The following LRMDA variants were observed in gnomAD, a reference collection of about 807,000 sequenced individuals.
LRMDA encodes leucine-rich melanocyte differentiation-associated protein.
LRMDA carries 18 observed loss-of-function variants against 29.8 expected under a neutral mutation model. The observed-to-expected ratio is 0.60, with a 90% CI of 0.42 to 0.90. The LOEUF (loss-of-function observed/expected upper bound fraction) is 0.90. Among genes scored for constraint, LRMDA ranks in the 40% least tolerant of loss-of-function variants. The pLI, the probability that LRMDA is intolerant of heterozygous loss-of-function variation, is 0.00. For synonymous variants in LRMDA, 125 were observed against 109.4 expected, an observed-to-expected ratio of 1.14 and a Z score of -0.89; for missense variants, 273 against 273.9, an observed-to-expected ratio of 1.00 and a Z score of 0.02.
At chr10:76,227,092 G>T (rs116337399) in intron 5 of LRMDA, among the ~76,000 whole-genome samples, 2,047 of 152,230 alleles carry the variant, frequency 0.013, 48 homozygotes, top group African/African-American at 0.047. Context: ...AATTCCCCAT[G>T]CCTGTTTGCC....
intron 2 of LRMDA, among the ~76,000 whole-genome samples, chr10:76,033,392 T>G (rs1315171731): frequency 6.6e-6 from 1 of 152,186 alleles, no homozygotes; most frequent in East Asian, 1.9e-4. Flanking sequence ...TTGAGACTGA[T>G]CTTACCAGCT....
chr10:76,538,534 TTA>T (rs987012357), intron 6 of LRMDA, among the ~76,000 whole-genome samples: 16 of 141,768 alleles, frequency 1.1e-4, no homozygotes, highest in African/African-American at 2.1e-4. Context: ...TTATATACAG[TTA>T]TATATATGTA....
At chr10:75,717,359 A>T (rs533581784) in intron 2 of LRMDA, among the ~76,000 whole-genome samples, 1 of 152,340 alleles carries the variant, frequency 6.6e-6, no homozygotes, top group East Asian at 1.9e-4. Context: ...CCCTATAAAA[A>T]CAGGGCGATG....
chr10:75,674,837 A>G (rs527240228), intron 2 of LRMDA, among the ~76,000 whole-genome samples: 17 of 151,954 alleles, frequency 1.1e-4, no homozygotes, highest in Non-Finnish European at 2.2e-4. Flanking sequence ...GATCAGCTGG[A>G]GGGGTTTTGG....
At chr10:75,698,287 T>A (rs1248726550) in intron 2 of LRMDA, among the ~76,000 whole-genome samples, 1 of 152,182 alleles carries the variant, frequency 6.6e-6, no homozygotes, top group Non-Finnish European at 1.5e-5. Flanking sequence ...TGTGCTACTT[T>A]AGGCAACTCC....
chr10:76,149,276 G>T (rs1850393097), intron 5 of LRMDA, among the ~76,000 whole-genome samples: 1 of 152,228 alleles, frequency 6.6e-6, no homozygotes, highest in Non-Finnish European at 1.5e-5. Context: ...GGAGTGATTA[G>T]GATGTGCTGT....
chr10:76,158,004 C>T (rs573426220), intron 5 of LRMDA, among the ~76,000 whole-genome samples: 106 of 152,160 alleles, frequency 7.0e-4, no homozygotes, highest in Middle Eastern at 3.4e-3. Context: ...CAGTAAAATA[C>T]GATATTATAA....
intron 2 of LRMDA, among the ~76,000 whole-genome samples, chr10:75,813,609 C>T (rs747549463): frequency 6.6e-6 from 1 of 152,126 alleles, no homozygotes. Flanking sequence ...GGGACAGATA[C>T]GCGTTACTCC....
intron 2 of LRMDA, among the ~76,000 whole-genome samples, chr10:75,937,345 A>G (rs1846313099): frequency 6.6e-6 from 1 of 152,216 alleles, no homozygotes; most frequent in African/African-American, 2.4e-5. Flanking sequence ...TATCTCATTT[A>G]AAAGAATGAG....
At chr10:75,518,241 C>G (rs1037249192) in intron 2 of LRMDA, among the ~76,000 whole-genome samples, 3 of 152,188 alleles carry the variant, frequency 2.0e-5, no homozygotes, top group African/African-American at 7.2e-5. Flanking sequence ...AGGATTCCCT[C>G]TTTTTCTACT....
intron 2 of LRMDA, among the ~76,000 whole-genome samples, chr10:75,563,391 A>G (rs185224639): frequency 6.6e-6 from 1 of 152,080 alleles, no homozygotes; most frequent in Non-Finnish European, 1.5e-5. Flanking sequence ...CAGCTCCTTT[A>G]AGCACTTCTC....
rs144729235 is a variant in LRMDA, at chr10:76,348,795, G to A, written c.601+24310G>A. ...CTGCCTCAAGGAACTTACAGTTTAG[G>A]AGGACCTAGCAGACAGAAACTCAGA... On this transcript the variant is annotated intron_variant, in intron 6 of 6. Transcript: ENST00000611255. 1.9e-3 allele frequency among the ~76,000 whole-genome samples: 293 copies of A among 152,322 alleles called. 2 individuals carry two copies. The highest frequency in any genetic ancestry group is 6.3e-3 in the African/African-American group (263 of 41,570).
rs61295526 is a variant in LRMDA, at chr10:75,467,956, TCACACACACACA to T, written c.131+29495_131+29506del. ...AGCCTGGTGACAGAGTGAGACTCCGTCACACACACACACACACACACACACACACACACACAC... is the reference window on the plus strand; with the variant it reads ...AGCCTGGTGACAGAGTGAGACTCCGTCACACACACACACACACACACACAC... On this transcript the variant is annotated intron_variant, in intron 2 of 6. Coordinates refer to ENST00000611255, the MANE Select transcript of LRMDA (RefSeq NM_001305581.2). Among the ~76,000 whole-genome samples the T allele has an allele frequency of 9.1e-4, 119 of 130,058 alleles. 1 individual carries two copies. Among genetic ancestry groups the T allele is most frequent in the East Asian group, 2.5e-3 (11 of 4,374 alleles). 85.3% of individuals were successfully genotyped at this position (130,058 alleles called of 152,430 possible).
At chr10:75,807,573 G>T (rs1009405294) in intron 2 of LRMDA, among the ~76,000 whole-genome samples, 3 of 152,232 alleles carry the variant, frequency 2.0e-5, no homozygotes, top group Admixed American at 2.0e-4. Flanking sequence ...AAGGCAGCAG[G>T]TTGGAGAAAG....
At chr10:75,688,650 C>G (rs1398196419) in intron 2 of LRMDA, among the ~76,000 whole-genome samples, 1 of 152,180 alleles carries the variant, frequency 6.6e-6, no homozygotes, top group Admixed American at 6.5e-5. Flanking sequence ...AGGATTGCCT[C>G]CAATTCTGAA....
intron 2 of LRMDA, among the ~76,000 whole-genome samples, chr10:75,819,634 C>A (rs1394485307): frequency 6.6e-6 from 1 of 152,026 alleles, no homozygotes; most frequent in Non-Finnish European, 1.5e-5. Context: ...TGGTGATTGG[C>A]AGGTCATTGG....
At chr10:75,960,787 T>A (rs989014095) in intron 2 of LRMDA, among the ~76,000 whole-genome samples, 20 of 152,110 alleles carry the variant, frequency 1.3e-4, no homozygotes, top group Non-Finnish European at 2.4e-4. Context: ...CTAATTTTTT[T>A]TGTATTTTTA....
intron 2 of LRMDA, among the ~76,000 whole-genome samples, chr10:76,003,153 A>G (rs1337323736): frequency 6.6e-6 from 1 of 152,192 alleles, no homozygotes; most frequent in Non-Finnish European, 1.5e-5. Context: ...CCATCAGAAC[A>G]GGGAGCGCCA....
intron 5 of LRMDA, among the ~76,000 whole-genome samples, chr10:76,133,912 G>A (rs545480145): frequency 1.8e-3 from 272 of 152,292 alleles, no homozygotes; most frequent in African/African-American, 6.0e-3. Flanking sequence ...CCACAGGGAC[G>A]AGCTTGGGTG....
Sources: allele counts gnomAD v4.1 joint callset (sites outside exome capture counted in the v4.1 genomes callset), GRCh38; gene constraint gnomAD v4.1.1; transcripts MANE v1.5; gene names NCBI Gene and HGNC (gene_info 2026-07-23, HGNC 2026-07-21).